EPHB2: variants seen among roughly 807,000 people sequenced by gnomAD.
EPHB2 encodes the protein EPH receptor B2.
EPHB2 carries 18 observed loss-of-function variants against 96.4 expected under a neutral mutation model. That is an observed-to-expected ratio of 0.19 (90% CI 0.13 to 0.28). The LOEUF (loss-of-function observed/expected upper bound fraction) is 0.28. EPHB2 is among the 10% of genes least tolerant of loss of function. The pLI is 1.00. For synonymous variants in EPHB2, 506 were observed against 534.1 expected, an observed-to-expected ratio of 0.95 and a Z score of 0.72; for missense variants, 989 against 1,355.4, an observed-to-expected ratio of 0.73 and a Z score of 4.25.
chr1:22,888,359 A>G (rs1247032289), intron 6 of EPHB2, among the ~76,000 whole-genome samples: 1 of 152,174 alleles, frequency 6.6e-6, no homozygotes, highest in African/African-American at 2.4e-5. Context: ...GGTTTTGATG[A>G]TAACAGTGAT....
chr1:22,738,229 C>G (rs1325842142), intron 1 of EPHB2, among the ~76,000 whole-genome samples: 1 of 152,224 alleles, frequency 6.6e-6, no homozygotes, highest in Admixed American at 6.5e-5. Context: ...TTCTCTTCCT[C>G]TTTTTCCTTT....
chr1:22,720,831 C>A (rs1643446703), intron 1 of EPHB2, among the ~76,000 whole-genome samples: 1 of 152,108 alleles, frequency 6.6e-6, no homozygotes, highest in Non-Finnish European at 1.5e-5. Flanking sequence ...TGAAAAATGG[C>A]AGCCTGGAGT....
chr1:22,812,678 G>A (rs990691830), intron 3 of EPHB2, among the ~76,000 whole-genome samples: 8 of 152,214 alleles, frequency 5.3e-5, no homozygotes, highest in Non-Finnish European at 5.9e-5. Flanking sequence ...GAGCCTCGGC[G>A]TCCTCATCTG....
intron 3 of EPHB2, among the ~76,000 whole-genome samples, chr1:22,820,663 G>A (rs1410688896): frequency 1.3e-5 from 2 of 152,202 alleles, no homozygotes; most frequent in East Asian, 1.9e-4. Flanking sequence ...CAGAGTGAGA[G>A]CTTGTCTCAA....
intron 5 of EPHB2, among the ~76,000 whole-genome samples, chr1:22,866,196 G>T (rs941605150): frequency 1.3e-5 from 2 of 152,172 alleles, no homozygotes; most frequent in African/African-American, 4.8e-5. Flanking sequence ...GTGCCCCTCA[G>T]TTATTCACTC....
At chr1:22,911,371 TCACA>T (rs1018803340) in intron 14 of EPHB2, among the ~76,000 whole-genome samples, 1 of 152,036 alleles carries the variant, frequency 6.6e-6, no homozygotes. Flanking sequence ...TCATGCCTCT[TCACA>T]CACACAGTCT....
chr1:22,905,091 A>G (rs1639867605), intron 9 of EPHB2, among the ~76,000 whole-genome samples: 1 of 152,186 alleles, frequency 6.6e-6, no homozygotes, highest in African/African-American at 2.4e-5. Context: ...GAGGCGGAAG[A>G]TGGATGGGTC....
chr1:22,776,985 G>A (rs967515571), intron 1 of EPHB2, among the ~76,000 whole-genome samples: 2 of 152,180 alleles, frequency 1.3e-5, no homozygotes, highest in African/African-American at 4.8e-5. Context: ...GCAAATAGGG[G>A]TAGTTACCAC....
At position 22,882,568 on chromosome 1, in the gene EPHB2, C is replaced by T. The variant is rs115319835; in HGVS notation, c.1428+85C>T. The T allele has an allele frequency of 4.9e-4, 773 of 1,593,136 alleles. 3 individuals are homozygous for T. In the African/African-American group the frequency reaches 8.0e-3, roughly 16 times the overall value. On this transcript the variant is annotated intron_variant, in intron 6 of 15. Coordinates refer to ENST00000374630, the MANE Select transcript of EPHB2 (RefSeq NM_017449.5). ...CTGAGGCCTGGGAGTTCTGCCCCAC[C>T]GCAAGATGAGACGCACTGGTGCAGC...
At chr1:22,895,914 G>T (rs1639543726) in intron 8 of EPHB2, among the ~76,000 whole-genome samples, 1 of 152,230 alleles carries the variant, frequency 6.6e-6, no homozygotes, top group African/African-American at 2.4e-5. Context: ...CCTGCTTTCT[G>T]CATGAGTTCA....
At chr1:22,812,381 A>G (rs76333566) in intron 3 of EPHB2, among the ~76,000 whole-genome samples, 2,480 of 152,348 alleles carry the variant, frequency 0.016, 73 homozygotes, top group African/African-American at 0.056. Flanking sequence ...CAGTGAAATC[A>G]TGGAACACAT....
At chr1:22,818,478 C>T (rs2148470541) in intron 3 of EPHB2, among the ~76,000 whole-genome samples, 1 of 152,272 alleles carries the variant, frequency 6.6e-6, no homozygotes, top group South Asian at 2.1e-4. Context: ...CTGGCAGCTC[C>T]AGAACCATCT....
At chr1:22,723,356 G>T (rs1450800404) in intron 1 of EPHB2, among the ~76,000 whole-genome samples, 2 of 152,222 alleles carry the variant, frequency 1.3e-5, no homozygotes, top group Non-Finnish European at 2.9e-5. Flanking sequence ...GGCTCTGGCC[G>T]GTACATCCTC....
chr1:22,781,533 A>G, intron 2 of EPHB2, 48 bp downstream of exon 2: 1 of 1,600,774 alleles, frequency 6.2e-7, no homozygotes, highest in Non-Finnish European at 8.6e-7. Flanking sequence ...GGATCCCTCA[A>G]GCCCTGCTGC....
rs747690195 is a variant in EPHB2 at position 22,909,054 on chromosome 1, G to A, written c.2385G>A (p.Pro795=). 5.3e-5 allele frequency: 85 copies of A among 1,614,162 alleles called. No individual in the cohort carries two copies. The highest frequency in any genetic ancestry group is 2.4e-4 in the South Asian group (22 of 91,076). Residue 795 remains proline (P), a synonymous_variant, in exon 13 of 16, where the codon CCG becomes CCA. Coordinates refer to ENST00000374630, the MANE Select transcript of EPHB2 (RefSeq NM_017449.5). ...GGKIPIRWTA[P]EAIQYRKFTS... ...AGATCCCCATCCGCTGGACAGCCCC[G>A]GAAGCCATCCAGTACCGGAAGTTCA...
intron 1 of EPHB2, among the ~76,000 whole-genome samples, chr1:22,742,522 G>C (rs935233586): frequency 6.6e-6 from 1 of 152,072 alleles, no homozygotes; most frequent in Non-Finnish European, 1.5e-5. Flanking sequence ...GTGTCTCACT[G>C]TGTTGCTTAG....
intron 1 of EPHB2, among the ~76,000 whole-genome samples, chr1:22,727,043 G>A (rs16827476): frequency 0.013 from 1,991 of 152,322 alleles, 39 homozygotes; most frequent in African/African-American, 0.046. Context: ...GTTTGAGTCC[G>A]TTAAGAGAAG....
At chr1:22,751,250 C>T (rs1288134300) in intron 1 of EPHB2, among the ~76,000 whole-genome samples, 1 of 152,156 alleles carries the variant, frequency 6.6e-6, no homozygotes, top group East Asian at 1.9e-4. Context: ...TGGAGGCTGC[C>T]AGGACAGATG....
At chr1:22,869,321 G>A (rs943673085) in intron 5 of EPHB2, among the ~76,000 whole-genome samples, 1 of 151,982 alleles carries the variant, frequency 6.6e-6, no homozygotes. Flanking sequence ...ACACTGTTCT[G>A]CAGTATAGTG....
Sources: allele counts gnomAD v4.1 joint callset (sites outside exome capture counted in the v4.1 genomes callset), GRCh38; gene constraint gnomAD v4.1.1; transcripts MANE v1.5; gene names NCBI Gene and HGNC (gene_info 2026-07-23, HGNC 2026-07-21).